Variants in LHCGR observed in about 807,000 individuals in gnomAD.
LHCGR encodes the protein lutropin-choriogonadotropic hormone receptor.
Under a neutral mutation model 60.7 loss-of-function variants are expected in LHCGR, and 55 were observed. The observed-to-expected ratio is 0.91, with a 90% confidence interval of 0.73 to 1.13. The LOEUF (loss-of-function observed/expected upper bound fraction) is 1.13. Ranked by LOEUF, LHCGR falls within the 50% of genes most tolerant of loss-of-function variation. The probability of loss-of-function intolerance (pLI) is 0.00; values close to 1 mark genes in which losing one functional copy is unlikely to be tolerated. For missense variants in LHCGR, 862 were observed against 836.0 expected, an observed-to-expected ratio of 1.03 and a Z score of -0.38; for synonymous variants, 337 against 316.5, an observed-to-expected ratio of 1.06 and a Z score of -0.69.
At chr2:48,717,833 C>CTTTT (rs10711529) in intron 6 of LHCGR, among the ~76,000 whole-genome samples, 564 of 68,678 alleles carry the variant, frequency 8.2e-3, no homozygotes, top group Middle Eastern at 0.021. Context: ...TTTTCCATGT[C>CTTTT]TTTTTTTTTT....
At chr2:48,754,084 G>C (rs968317161) in intron 1 of LHCGR, among the ~76,000 whole-genome samples, 1 of 152,112 alleles carries the variant, frequency 6.6e-6, no homozygotes, top group Admixed American at 6.5e-5. Flanking sequence ...TGGAAGGCCT[G>C]TTGCATGGAT....
intron 10 of LHCGR, among the ~76,000 whole-genome samples, chr2:48,689,257 A>T (rs1018861695): frequency 6.6e-6 from 1 of 152,192 alleles, no homozygotes; most frequent in South Asian, 2.1e-4. Flanking sequence ...TTTACAAAGG[A>T]TGACTTTCTT....
intron 8 of LHCGR, among the ~76,000 whole-genome samples, chr2:48,699,819 T>C (rs2104395379): frequency 6.6e-6 from 1 of 152,358 alleles, no homozygotes; most frequent in East Asian, 1.9e-4. Flanking sequence ...TTTACTAGAC[T>C]TGAGGCAATG....
intron 1 of LHCGR, chr2:48,732,991 T>C (rs1669065007): frequency 2.0e-6 from 1 of 510,492 alleles, no homozygotes; most frequent in East Asian, 5.5e-5. Flanking sequence ...TGTGATGGCA[T>C]ATTTGCTTCC....
intron 9 of LHCGR, among the ~76,000 whole-genome samples, 166 bp from the exon 10 acceptor site, chr2:48,694,470 G>T (rs977959715): frequency 1.3e-5 from 2 of 152,108 alleles, no homozygotes; most frequent in Non-Finnish European, 2.9e-5. Context: ...GAGAGTAAAG[G>T]CTTCTGAATT....
chr2:48,746,732 CA>C (rs1162998722), intron 1 of LHCGR, among the ~76,000 whole-genome samples: 2 of 152,192 alleles, frequency 1.3e-5, no homozygotes, highest in Admixed American at 6.5e-5. Context: ...AGCCCTTACT[CA>C]AAACCCATTT....
At chr2:48,699,704 T>A (rs1371013171) in intron 8 of LHCGR, among the ~76,000 whole-genome samples, 1 of 152,264 alleles carries the variant, frequency 6.6e-6, no homozygotes, top group Non-Finnish European at 1.5e-5. Flanking sequence ...GCAGAATGCA[T>A]GTTCTCTAAT....
intron 1 of LHCGR, among the ~76,000 whole-genome samples, chr2:48,746,921 C>A (rs1572894843): frequency 6.6e-6 from 1 of 152,254 alleles, no homozygotes; most frequent in East Asian, 1.9e-4. Flanking sequence ...TTTTCAGAAG[C>A]TGAGAATATT....
intron 1 of LHCGR, among the ~76,000 whole-genome samples, chr2:48,748,779 C>G (rs973552946): frequency 6.6e-5 from 10 of 151,998 alleles, no homozygotes; most frequent in East Asian, 1.9e-4. Flanking sequence ...ATATCTGGTC[C>G]CACTCAGGGA....
chr2:48,725,859 A>G, intron 3 of LHCGR, 109 bp from the exon 4 acceptor site: 1 of 894,288 alleles, frequency 1.1e-6, no homozygotes, highest in Non-Finnish European at 1.9e-6. Flanking sequence ...GCATCAGCAA[A>G]AGCAGGCGAC....
intron 6 of LHCGR, among the ~76,000 whole-genome samples, chr2:48,719,621 C>CA (rs747226311): frequency 6.6e-6 from 1 of 152,102 alleles, no homozygotes; most frequent in Non-Finnish European, 1.5e-5. Context: ...TAATGAACAA[C>CA]CAAAGTGGCT....
intron 1 of LHCGR, among the ~76,000 whole-genome samples, chr2:48,732,483 A>G (rs1669040964): frequency 6.6e-6 from 1 of 152,224 alleles, no homozygotes; most frequent in African/African-American, 2.4e-5. Context: ...ATACACACCC[A>G]TTTGTGACCT....
chr2:48,687,866 C>G lies in LHCGR; in HGVS notation c.1931G>C (p.Cys644Ser), dbSNP rs1399413906. 6.2e-6 allele frequency: 10 copies of G among 1,614,128 alleles called. No individual in the cohort carries two copies. Residue 644 changes from cysteine (C) to serine (S), a missense_variant, in exon 11 of 11, where the codon TGT (cysteine) becomes TCT (serine). Transcript: ENST00000294954. ...TCTATAAAGTTCAGCCCGACGTTTA[C>G]AGCAGCCAAATTTGCTCAGCAAAAG... ...FFLLLSKFGC[C>S]KRRAELYRRK...
intron 8 of LHCGR, among the ~76,000 whole-genome samples, chr2:48,706,369 G>A (rs952240246): frequency 6.6e-6 from 1 of 152,090 alleles, no homozygotes; most frequent in Admixed American, 6.5e-5. Context: ...ACAGTTATGT[G>A]TCTTGGGATG....
chr2:48,695,418 C>T (rs931215252), intron 9 of LHCGR, among the ~76,000 whole-genome samples: 1 of 152,070 alleles, frequency 6.6e-6, no homozygotes, highest in African/African-American at 2.4e-5. Context: ...AGGACTTTTA[C>T]AGTCTGAGAA....
intron 6 of LHCGR, among the ~76,000 whole-genome samples, chr2:48,722,502 A>T (rs1668544355): frequency 6.6e-6 from 1 of 152,142 alleles, no homozygotes; most frequent in South Asian, 2.1e-4. Flanking sequence ...GTGGTTTCTC[A>T]TGGATGGTTT....
chr2:48,721,885 C>G, intron 6 of LHCGR: 1 of 427,404 alleles, frequency 2.3e-6, no homozygotes, highest in South Asian at 1.7e-5. Flanking sequence ...GGGGTGGTGA[C>G]TCATGCCTGT....
intron 8 of LHCGR, among the ~76,000 whole-genome samples, chr2:48,704,220 T>C (rs1667549867): frequency 6.6e-6 from 1 of 152,232 alleles, no homozygotes; most frequent in Non-Finnish European, 1.5e-5. Context: ...GAACCAGCGT[T>C]GCATCCCAGG....
intron 6 of LHCGR, among the ~76,000 whole-genome samples, chr2:48,722,888 A>G (rs1037406435): frequency 1.3e-5 from 2 of 152,188 alleles, no homozygotes; most frequent in Admixed American, 1.3e-4. Context: ...CATGAAAGGG[A>G]TAGCCTGGTA....
Sources: allele counts gnomAD v4.1 joint callset (sites outside exome capture counted in the v4.1 genomes callset), GRCh38; gene constraint gnomAD v4.1.1; transcripts MANE v1.5; gene names NCBI Gene and HGNC (gene_info 2026-07-23, HGNC 2026-07-21).